Variants in SLC9A4 observed in about 807,000 individuals in gnomAD.
SLC9A4 encodes solute carrier family 9 member A4.
SLC9A4 carries 63 observed loss-of-function variants against 67.4 expected under a neutral mutation model. That is an observed-to-expected ratio of 0.93 (90% confidence interval 0.76 to 1.15). SLC9A4 has a LOEUF of 1.15. SLC9A4 is among the 50% of genes most tolerant of loss of function. The pLI is 0.00. For missense variants in SLC9A4, 1,089 were observed against 987.7 expected (o/e 1.10, Z -1.38); for synonymous variants, 393 against 367.2 (o/e 1.07, Z -0.80).
At chr2:102,507,201 C>T (rs1014179020) in intron 4 of SLC9A4, among the ~76,000 whole-genome samples, 4 of 152,178 alleles carry the variant, frequency 2.6e-5, no homozygotes, top group African/African-American at 4.8e-5. Context: ...ACAAACACAA[C>T]AATATTTTAA....
At chr2:102,530,267 G>T (rs1432059628) in intron 11 of SLC9A4, among the ~76,000 whole-genome samples, 1 of 152,138 alleles carries the variant, frequency 6.6e-6, no homozygotes, top group African/African-American at 2.4e-5. Context: ...TTTCATGCCA[G>T]GGTGCCCATG....
intron 2 of SLC9A4, among the ~76,000 whole-genome samples, chr2:102,500,908 T>C (rs1684916259): frequency 6.6e-6 from 1 of 151,710 alleles, no homozygotes; most frequent in South Asian, 2.1e-4. Flanking sequence ...GGGACAACTT[T>C]GCACATGAGC....
intron 1 of SLC9A4, 46 bp from the exon 2 acceptor site, chr2:102,478,793 G>C (rs1409254216): frequency 1.9e-6 from 3 of 1,577,944 alleles, no homozygotes; most frequent in Admixed American, 3.4e-5. Flanking sequence ...GGTACACCCA[G>C]ACCGTTTCGT....
rs544136613 is a variant in SLC9A4 at position 102,531,689 on chromosome 2, T to C, written c.2039-641T>C. ...ATGAGGATTCAATGGCATGATATAT[T>C]TAAAAGGATTAGCACAGTGACAGGC... On this transcript the variant is annotated intron_variant, in intron 11 of 11. Transcript: ENST00000295269. 3.9e-5 allele frequency among the ~76,000 whole-genome samples: 6 copies of C among 152,312 alleles called. No individual in the cohort carries two copies. The East Asian group carries it at 1.2e-3, about 29-fold the overall frequency.
intron 8 of SLC9A4, among the ~76,000 whole-genome samples, chr2:102,515,101 T>A (rs1282993139): frequency 6.6e-6 from 1 of 152,110 alleles, no homozygotes; most frequent in African/African-American, 2.4e-5. Flanking sequence ...ATTGGGAAAA[T>A]TAATCACAAC....
Position 102,473,507 on chromosome 2 carries a change from C to G in SLC9A4, c.-253C>G. On this transcript the variant is annotated 5_prime_UTR_variant, in exon 1 of 12. Transcript: ENST00000295269. ...GAGGTCCTCCAGGTAGCTCCATGGACTTTAACAAGTCTATTGAATAACTGC... is the reference window on the plus strand; with the variant it reads ...GAGGTCCTCCAGGTAGCTCCATGGAGTTTAACAAGTCTATTGAATAACTGC... 2 of 496,578 alleles carry G rather than the reference C, an allele frequency of 4.0e-6. No homozygotes were observed. Among genetic ancestry groups the G allele is most frequent in the Admixed American group, 7.4e-5 (2 of 27,200 alleles). 30.8% of individuals were successfully genotyped at this position (496,578 alleles called of 1,614,324 possible). A position where few individuals can be genotyped will look rare whatever the true frequency, so the allele number is the denominator to read the frequency against.
At position 102,532,841 on chromosome 2, in the gene SLC9A4, C is replaced by G; in HGVS notation, c.*153C>G. Reference sequence around the variant, plus strand: ...CTATAAGCAGCAGGAAGATTTTTTCCAAGGACTGGGAGCAAACTTGCAGGC... The same window carrying G: ...CTATAAGCAGCAGGAAGATTTTTTCGAAGGACTGGGAGCAAACTTGCAGGC... On this transcript the variant is annotated 3_prime_UTR_variant, in exon 12 of 12. Coordinates refer to ENST00000295269, the MANE Select transcript of SLC9A4 (RefSeq NM_001011552.4). 1.2e-6 allele frequency: 1 copy of G among 831,650 alleles called. No homozygotes were observed. Among genetic ancestry groups the G allele is most frequent in the Non-Finnish European group, 1.8e-6 (1 of 552,060 alleles). 51.5% of individuals were successfully genotyped at this position (831,650 alleles called of 1,614,324 possible).
intron 8 of SLC9A4, among the ~76,000 whole-genome samples, chr2:102,517,529 TG>T (rs1424798545): frequency 6.6e-6 from 1 of 152,176 alleles, no homozygotes; most frequent in Non-Finnish European, 1.5e-5. Flanking sequence ...TAAGCTCTGG[TG>T]GTTGATAGGA....
chr2:102,493,769 C>T (rs1207650085), intron 2 of SLC9A4, among the ~76,000 whole-genome samples: 1 of 151,804 alleles, frequency 6.6e-6, no homozygotes, highest in Non-Finnish European at 1.5e-5. Context: ...GTTCATGGTC[C>T]CTCATTGTCC....
At chr2:102,481,340 T>C (rs1378807206) in intron 2 of SLC9A4, among the ~76,000 whole-genome samples, 3 of 152,162 alleles carry the variant, frequency 2.0e-5, no homozygotes, top group African/African-American at 7.2e-5. Context: ...TCTAATGCCA[T>C]GAGCAAAAAG....
At chr2:102,495,907 C>T (rs1380578511) in intron 2 of SLC9A4, among the ~76,000 whole-genome samples, 1 of 151,998 alleles carries the variant, frequency 6.6e-6, no homozygotes, top group African/African-American at 2.4e-5. Flanking sequence ...TTATAAATCT[C>T]CTGGAAGAAA....
chr2:102,478,952 G>A lies in SLC9A4; in HGVS notation c.370G>A (p.Val124Ile). The change falls in exon 2 of 12, where the codon GTC (valine) becomes ATC (isoleucine). Residue 124 changes from valine (V) to isoleucine (I), a missense_variant. Coordinates refer to ENST00000295269, the MANE Select transcript of SLC9A4 (RefSeq NM_001011552.4). ...IFGTDHKSPPVMDSSIYFLYL... is the reference protein window; with the variant it reads ...IFGTDHKSPPIMDSSIYFLYL... ...CGGCACCGACCACAAATCGCCTCCG[G>A]TCATGGACTCCAGCATCTACTTCCT... 2 of 1,614,030 alleles carry A rather than the reference G, an allele frequency of 1.2e-6. No individual in the cohort carries two copies. Among genetic ancestry groups the A allele is most frequent in the African/African-American group, 2.7e-5 (2 of 75,058 alleles).
At chr2:102,502,930 G>T (rs886242364) in intron 2 of SLC9A4, among the ~76,000 whole-genome samples, 1 of 152,212 alleles carries the variant, frequency 6.6e-6, no homozygotes, top group Non-Finnish European at 1.5e-5. Flanking sequence ...GGTTGCAGAG[G>T]GATCACTTTC....
At chr2:102,519,444 G>A (rs1156887123) in intron 8 of SLC9A4, among the ~76,000 whole-genome samples, 2 of 152,166 alleles carry the variant, frequency 1.3e-5, no homozygotes, top group African/African-American at 4.8e-5. Context: ...CTAGCAAAGA[G>A]TTTGTCTTTG....
chr2:102,478,425 G>A (rs559641202), intron 1 of SLC9A4, among the ~76,000 whole-genome samples: 2 of 152,328 alleles, frequency 1.3e-5, no homozygotes, highest in South Asian at 2.1e-4. Context: ...TATGTGTTTG[G>A]TGAAGAGGGG....
chr2:102,484,858 C>T (rs148378006), intron 2 of SLC9A4, among the ~76,000 whole-genome samples: 2,669 of 152,250 alleles, frequency 0.018, 56 homozygotes, highest in Non-Finnish European at 0.022. Context: ...GACTGCCACC[C>T]GGTACTTCCC....
intron 6 of SLC9A4, among the ~76,000 whole-genome samples, 155 bp downstream of exon 6, chr2:102,509,088 A>C (rs1685106615): frequency 6.6e-6 from 1 of 152,224 alleles, no homozygotes; most frequent in South Asian, 2.1e-4. Context: ...GGAAATTGCC[A>C]CAAACTTAGT....
chr2:102,506,788 T>A (rs1011080288), intron 4 of SLC9A4, among the ~76,000 whole-genome samples: 13 of 152,062 alleles, frequency 8.5e-5, no homozygotes, highest in Non-Finnish European at 1.6e-4. Flanking sequence ...TAGGAGAGGA[T>A]TTATATTGCA....
intron 4 of SLC9A4, among the ~76,000 whole-genome samples, chr2:102,507,713 C>T (rs1418344989): frequency 6.6e-6 from 1 of 152,128 alleles, no homozygotes; most frequent in Non-Finnish European, 1.5e-5. Context: ...CCCCCACCCA[C>T]TCAACAATAT....
Sources: allele counts gnomAD v4.1 joint callset (sites outside exome capture counted in the v4.1 genomes callset), GRCh38; gene constraint gnomAD v4.1.1; transcripts MANE v1.5; gene names NCBI Gene and HGNC (gene_info 2026-07-23, HGNC 2026-07-21).